TEX36: variants seen among roughly 807,000 people sequenced by gnomAD.
TEX36 encodes the protein testis expressed 36.
TEX36 carries 12 observed loss-of-function variants against 13.6 expected under a neutral mutation model. That is an observed-to-expected ratio of 0.88 (90% CI 0.56 to 1.43). The LOEUF is 1.43. TEX36 is among the 40% of genes most tolerant of loss of function. TEX36 has a pLI of 0.00. For synonymous variants in TEX36, 93 were observed against 83.0 expected (o/e 1.12, Z -0.65); for missense variants, 224 against 228.3 (o/e 0.98, Z 0.12).
intron 3 of TEX36, among the ~76,000 whole-genome samples, chr10:125,647,815 C>T (rs1044590924): frequency 3.0e-4 from 45 of 152,178 alleles, no homozygotes; most frequent in Admixed American, 2.0e-3. Context: ...TAATACTGCG[C>T]TTTTCCAATG....
At chr10:125,652,940 C>A (rs1299689569), downstream of TEX36, among the ~76,000 whole-genome samples, 4 of 152,280 alleles carry the variant, frequency 2.6e-5, no homozygotes, top group Middle Eastern at 3.4e-3. Context: ...CAATGAGATA[C>A]CATCTCACAC....
chr10:125,655,436 C>T (rs1336227422), downstream of TEX36, among the ~76,000 whole-genome samples: 1 of 152,042 alleles, frequency 6.6e-6, no homozygotes, highest in Non-Finnish European at 1.5e-5. Flanking sequence ...CAGAGACTGT[C>T]TCAAAACAAA....
chr10:125,619,682 G>C (rs565457120), downstream of TEX36, among the ~76,000 whole-genome samples: 1 of 151,552 alleles, frequency 6.6e-6, no homozygotes, highest in African/African-American at 2.4e-5. Context: ...TCAGCCTCCC[G>C]AGTATCTGGG....
At chr10:125,581,922 G>A (rs746932695) in intron 3 of TEX36, among the ~76,000 whole-genome samples, 4 of 152,238 alleles carry the variant, frequency 2.6e-5, no homozygotes, top group Non-Finnish European at 4.4e-5. Context: ...CCTGCATTGA[G>A]CAGAGTTTGG....
intron 1 of TEX36, among the ~76,000 whole-genome samples, chr10:125,676,027 G>A (rs1847304884): frequency 1.3e-5 from 2 of 152,154 alleles, no homozygotes; most frequent in Admixed American, 1.3e-4. Flanking sequence ...TTGTTTTGTG[G>A]CCTGACATAT....
chr10:125,646,358 AAAAG>A (rs1230696278), intron 3 of TEX36, among the ~76,000 whole-genome samples: 1 of 152,168 alleles, frequency 6.6e-6, no homozygotes, highest in Non-Finnish European at 1.5e-5. Context: ...ACAAAAAATA[AAAAG>A]AAAGAAAACA....
chr10:125,646,744 G>A (rs1303856490), intron 3 of TEX36, among the ~76,000 whole-genome samples: 7 of 152,038 alleles, frequency 4.6e-5, no homozygotes, highest in Admixed American at 2.0e-4. Context: ...AAAACAAATG[G>A]TTTCCTCTAA....
chr10:125,635,102 A>G (rs915641702), intron 3 of TEX36, among the ~76,000 whole-genome samples: 1 of 152,170 alleles, frequency 6.6e-6, no homozygotes, highest in African/African-American at 2.4e-5. Context: ...AGCAGAATCT[A>G]CCAATAGTGC....
At chr10:125,651,708 T>A (rs1846862615), downstream of TEX36, among the ~76,000 whole-genome samples, 1 of 152,178 alleles carries the variant, frequency 6.6e-6, no homozygotes. Flanking sequence ...AGTCAAATTG[T>A]CCCTGTTTGC....
At chr10:125,642,204 C>T (rs979520604) in intron 3 of TEX36, among the ~76,000 whole-genome samples, 1 of 152,168 alleles carries the variant, frequency 6.6e-6, no homozygotes, top group African/African-American at 2.4e-5. Flanking sequence ...GAAAATGCAC[C>T]TGGTGGAGAA....
At chr10:125,608,863 G>A (rs938059975) in intron 3 of TEX36, among the ~76,000 whole-genome samples, 59 of 151,788 alleles carry the variant, frequency 3.9e-4, no homozygotes, top group African/African-American at 9.9e-4. Context: ...GGCCGGGCGC[G>A]GTGGCTAACA....
intron 3 of TEX36, among the ~76,000 whole-genome samples, chr10:125,648,365 C>T (rs543109766): frequency 6.6e-6 from 1 of 152,200 alleles, no homozygotes; most frequent in Non-Finnish European, 1.5e-5. Context: ...GTTCTGCAGC[C>T]TCCGCTGGTG....
chr10:125,596,495 A>C (rs2133537859), intron 3 of TEX36, among the ~76,000 whole-genome samples: 1 of 152,216 alleles, frequency 6.6e-6, no homozygotes, highest in African/African-American at 2.4e-5. Flanking sequence ...AAGATGAGAA[A>C]ATGGATTCTC....
intron 1 of TEX36, among the ~76,000 whole-genome samples, chr10:125,662,792 A>G (rs1455381565): frequency 6.6e-6 from 1 of 152,176 alleles, no homozygotes; most frequent in African/African-American, 2.4e-5. Context: ...CTCTTCAGAT[A>G]ACAGACCTGT....
chr10:125,620,053 G>C (rs1846410899), downstream of TEX36, among the ~76,000 whole-genome samples: 1 of 151,912 alleles, frequency 6.6e-6, no homozygotes, highest in South Asian at 2.1e-4. Context: ...ATTTAGCTTT[G>C]CTCTTTGAGC....
At chr10:125,629,886 AT>A (rs1565178598) in intron 3 of TEX36, among the ~76,000 whole-genome samples, 1 of 151,684 alleles carries the variant, frequency 6.6e-6, no homozygotes, top group South Asian at 2.1e-4. Context: ...TTTGGATGAA[AT>A]TTTTTTTAAG....
intron 3 of TEX36, among the ~76,000 whole-genome samples, chr10:125,645,767 T>C (rs1040017180): frequency 2.0e-5 from 3 of 152,072 alleles, no homozygotes; most frequent in Non-Finnish European, 4.4e-5. Context: ...TGTAGAATTT[T>C]TTTGCAACTT....
downstream of TEX36, among the ~76,000 whole-genome samples, chr10:125,651,164 T>A (rs911564035): frequency 1.3e-5 from 2 of 152,178 alleles, no homozygotes; most frequent in South Asian, 4.1e-4. Context: ...AACATCATCA[T>A]AATACCAAAG....
At chr10:125,628,283 C>A (rs111898446) in intron 3 of TEX36, among the ~76,000 whole-genome samples, 2 of 152,208 alleles carry the variant, frequency 1.3e-5, no homozygotes, top group African/African-American at 4.8e-5. Flanking sequence ...CAAAGCAGCG[C>A]ATGTTCTGTC....
Sources: allele counts gnomAD v4.1 joint callset (sites outside exome capture counted in the v4.1 genomes callset), GRCh38; gene constraint gnomAD v4.1.1; transcripts MANE v1.5; gene names NCBI Gene and HGNC (gene_info 2026-07-23, HGNC 2026-07-21).